Variants in MARCO observed in about 807,000 individuals in gnomAD.
MARCO encodes macrophage receptor MARCO.
MARCO carries 72 observed loss-of-function variants against 70.0 expected under a neutral mutation model. The ratio of observed to expected loss-of-function variants is 1.03; its 90% CI spans 0.85 to 1.25. MARCO has a LOEUF of 1.25. Among genes scored for constraint, MARCO ranks in the 50% most tolerant of loss-of-function variants. The probability of loss-of-function intolerance (pLI) is 0.00; values close to 1 mark genes in which losing one functional copy is unlikely to be tolerated. For synonymous variants in MARCO, 273 were observed against 243.1 expected, an observed-to-expected ratio of 1.12 and a Z score of -1.14; for missense variants, 696 against 659.3, an observed-to-expected ratio of 1.06 and a Z score of -0.61.
chr2:118,974,811 C>T (rs1283535127), intron 6 of MARCO, among the ~76,000 whole-genome samples: 7 of 152,120 alleles, frequency 4.6e-5, no homozygotes, highest in Non-Finnish European at 1.0e-4. Flanking sequence ...CTAGATGGGG[C>T]TGGGGGGTGT....
chr2:118,986,649 G>A (rs1403777466), intron 12 of MARCO, among the ~76,000 whole-genome samples: 1 of 45,462 alleles, frequency 2.2e-5, no homozygotes, highest in Non-Finnish European at 3.8e-5. Flanking sequence ...AAGAAAGAAA[G>A]AAAGAAGGAA....
At chr2:118,986,590 A>G (rs922030088) in intron 12 of MARCO, among the ~76,000 whole-genome samples, 175 of 7,274 alleles carry the variant, frequency 0.024, 4 homozygotes, top group African/African-American at 0.065. Flanking sequence ...AGGAAAGAAG[A>G]AAGAAAGAAA....
At chr2:118,964,579 C>T (rs1680007795) in intron 1 of MARCO, among the ~76,000 whole-genome samples, 1 of 152,146 alleles carries the variant, frequency 6.6e-6, no homozygotes, top group Non-Finnish European at 1.5e-5. Context: ...TGATGAGAAA[C>T]TTTCTGTCAT....
At position 118,942,417 on chromosome 2, in the gene MARCO, T is replaced by A; in HGVS notation, c.97+20T>A. ...TCAATGGTAAAGTACGATTCCCCAA[T>A]AATGGAAATGACCAGAAATGTAGTC... On this transcript the variant is annotated intron_variant, in intron 1 of 16. Transcript: ENST00000327097. 1 of 1,554,324 alleles carries A rather than the reference T, an allele frequency of 6.4e-7. No individual in the cohort carries two copies. The highest frequency in any genetic ancestry group is 8.9e-7 in the Non-Finnish European group (1 of 1,125,832).
intron 1 of MARCO, among the ~76,000 whole-genome samples, chr2:118,945,444 G>A (rs1045363282): frequency 5.7e-5 from 8 of 139,322 alleles, no homozygotes; most frequent in Non-Finnish European, 9.1e-5. Context: ...ATGGAGTCTC[G>A]CTCTGTCACC....
chr2:118,977,320 GAGAGA>G, intron 6 of MARCO, 146 bp from the exon 7 acceptor site: 2 of 188,060 alleles, frequency 1.1e-5, no homozygotes, highest in Non-Finnish European at 1.9e-5. Context: ...GTGTGAAAAA[GAGAGA>G]GAGAGAGAGA....
chr2:118,981,565 T>C, intron 9 of MARCO, 56 bp from the exon 10 acceptor site: 1 of 1,584,170 alleles, frequency 6.3e-7, no homozygotes, highest in African/African-American at 1.4e-5. Flanking sequence ...TTTTTTTTTT[T>C]CTGGCTGGCT....
intron 16 of MARCO, 142 bp downstream of exon 16, chr2:118,993,442 G>A: frequency 1.3e-6 from 1 of 764,366 alleles, no homozygotes; most frequent in South Asian, 1.8e-5. Context: ...GCTCTGCAGT[G>A]CAGGGCTCCA....
chr2:118,978,083 C>T (rs1680320840), intron 8 of MARCO, 148 bp downstream of exon 8: 1 of 565,312 alleles, frequency 1.8e-6, no homozygotes, highest in Non-Finnish European at 3.2e-6. Flanking sequence ...CACATAGTCT[C>T]TTCTTTCCGG....
At position 118,970,238 on chromosome 2, in the gene MARCO, G is replaced by T; in HGVS notation, c.324G>T (p.Gln108His). The T allele has an allele frequency of 1.2e-6, 2 of 1,614,094 alleles. No individual in the cohort carries two copies. The highest frequency in any genetic ancestry group is 8.5e-7 in the Non-Finnish European group (1 of 1,180,012). The stretch of plus-strand genomic sequence containing the variant: ...CACACCCTGGAGAACACCTGGCTCA[G>T]GGTGCATCGAGGCTGCAAGTCCTGC... ...QSAHPGEHLA[Q>H]GASRLQVLQA... Residue 108 changes from glutamine to histidine, a missense_variant, in exon 3 of 17, where the codon CAG (glutamine) becomes CAT (histidine). Physicochemically the swap from Gln to His is conservative, Grantham distance 24. Coordinates refer to ENST00000327097, the MANE Select transcript of MARCO (RefSeq NM_006770.4).
intron 12 of MARCO, among the ~76,000 whole-genome samples, chr2:118,986,645 GAAA>G (rs1558671566): frequency 3.3e-4 from 15 of 44,992 alleles, no homozygotes; most frequent in Admixed American, 1.1e-3. Flanking sequence ...AAGAAAGAAA[GAAA>G]GAAAGAAGGA....
At chr2:118,956,412 T>TACTTCAATACTCCACTGACAGCACAGGAG (rs1553461119) in intron 1 of MARCO, among the ~76,000 whole-genome samples, 13 of 144,178 alleles carry the variant, frequency 9.0e-5, no homozygotes, top group East Asian at 2.1e-4. Flanking sequence ...CATTATGTAA[T>TACTTCAATACTCCACTGACAGCACAGGAG]GGTAAAAGTC....
chr2:118,971,508 G>A lies in MARCO; in HGVS notation c.434G>A (p.Arg145Lys). 2.5e-6 allele frequency: 4 copies of A among 1,613,992 alleles called. No individual in the cohort carries two copies. The highest frequency in any genetic ancestry group is 3.4e-6 in the Non-Finnish European group (4 of 1,179,926). Residue 145 changes from arginine to lysine, a missense_variant, in exon 4 of 17, where the codon AGA becomes AAA. Coordinates refer to ENST00000327097, the MANE Select transcript of MARCO (RefSeq NM_006770.4). ...DNFTQNPGMF[R>K]IKGEQGAPGL... is the part of the protein sequence containing the mutation. ...TCTCCTTCCCTTGCAGGGATGTTCA[G>A]AATCAAAGGTGAACAAGGCGCCCCA...
At chr2:118,993,665 C>T (rs538998431) in intron 16 of MARCO, among the ~76,000 whole-genome samples, 11 of 152,268 alleles carry the variant, frequency 7.2e-5, no homozygotes, top group African/African-American at 2.6e-4. Context: ...GGCAGGCAAA[C>T]GCAGATGTTC....
At chr2:118,949,096 G>A (rs943154994) in intron 1 of MARCO, among the ~76,000 whole-genome samples, 1 of 152,220 alleles carries the variant, frequency 6.6e-6, no homozygotes, top group Non-Finnish European at 1.5e-5. Flanking sequence ...GATGGAGGCT[G>A]GATGGCCCTC....
intron 16 of MARCO, 91 bp from the exon 17 acceptor site, chr2:118,994,296 C>A: frequency 6.9e-7 from 1 of 1,438,930 alleles, no homozygotes; most frequent in Non-Finnish European, 9.7e-7. Flanking sequence ...CAGTCCACCT[C>A]AGATGGAAGC....
intron 4 of MARCO, among the ~76,000 whole-genome samples, chr2:118,972,658 T>C (rs1469790013): frequency 2.0e-5 from 3 of 152,220 alleles, no homozygotes; most frequent in Non-Finnish European, 4.4e-5. Flanking sequence ...CTTGTCTTCG[T>C]TATTATTATG....
intron 1 of MARCO, among the ~76,000 whole-genome samples, chr2:118,967,113 A>G (rs940883830): frequency 3.3e-5 from 5 of 152,266 alleles, no homozygotes; most frequent in African/African-American, 1.2e-4. Context: ...AGACAGAGAC[A>G]AAAACACAAT....
chr2:118,953,572 G>A (rs375807546), intron 1 of MARCO, among the ~76,000 whole-genome samples: 5 of 152,220 alleles, frequency 3.3e-5, no homozygotes, highest in African/African-American at 4.8e-5. Flanking sequence ...GATGAGAGGC[G>A]GGACTAGATT....
Sources: gnomAD v4.1 joint callset for allele counts (sites outside exome capture counted in the v4.1 genomes callset) on GRCh38, gnomAD v4.1.1 for gene constraint, MANE v1.5 for transcripts, NCBI Gene and HGNC (gene_info 2026-07-23, HGNC 2026-07-21) for gene names.